ZNF883: variants seen among roughly 807,000 people sequenced by gnomAD.
ZNF883 encodes the protein zinc finger protein 883.
At chr9:112,990,378 G>T (rs2118596021) in intron 1 of ZNF883, among the ~76,000 whole-genome samples, 1 of 152,268 alleles carries the variant, frequency 6.6e-6, no homozygotes, top group East Asian at 1.9e-4. Flanking sequence ...TAATCATGTG[G>T]TTTTTGTCTT....
At chr9:112,989,014 G>A (rs1213628797) in intron 1 of ZNF883, among the ~76,000 whole-genome samples, 4 of 152,070 alleles carry the variant, frequency 2.6e-5, no homozygotes. Flanking sequence ...GTTCCTTGTA[G>A]ACTCTGGATA....
chr9:113,002,798 G>A (rs761308959), upstream of ZNF883, among the ~76,000 whole-genome samples: 3 of 152,130 alleles, frequency 2.0e-5, no homozygotes, highest in African/African-American at 7.2e-5. Flanking sequence ...TTCGGGAGGC[G>A]ATTAAGTCAT....
exon 1 of ZNF883, chr9:112,997,250 G>C (rs372517928): frequency 8.1e-6 from 13 of 1,613,972 alleles, no homozygotes; most frequent in Non-Finnish European, 1.1e-5. Context: ...CTTATGTTTA[G>C]TTAGAGCTGA....
intron 2 of ZNF883, among the ~76,000 whole-genome samples, chr9:113,010,797 C>G (rs1828526975): frequency 1.3e-5 from 2 of 151,906 alleles, no homozygotes; most frequent in African/African-American, 2.4e-5. Flanking sequence ...ACCAGGATGC[C>G]CAACATGGTG....
exon 1 of ZNF883, chr9:112,997,319 G>C: frequency 6.2e-7 from 1 of 1,613,894 alleles, no homozygotes; most frequent in Non-Finnish European, 8.5e-7. Flanking sequence ...TCCTGTATGC[G>C]TCCTCTGATG....
At chr9:112,994,745 CT>C (rs938566372), downstream of ZNF883, among the ~76,000 whole-genome samples, 62 of 151,576 alleles carry the variant, frequency 4.1e-4, no homozygotes, top group East Asian at 9.7e-4. Flanking sequence ...ATTTCTCCTA[CT>C]TTTTTTTAAT....
intron 2 of ZNF883, among the ~76,000 whole-genome samples, chr9:113,004,056 C>G (rs1194680261): frequency 6.6e-6 from 1 of 152,154 alleles, no homozygotes; most frequent in African/African-American, 2.4e-5. Context: ...TCCAGTATGG[C>G]TGGTGCCCTT....
upstream of ZNF883, chr9:113,001,889 C>T (rs1345622576): frequency 2.0e-5 from 3 of 152,126 alleles, no homozygotes; most frequent in East Asian, 3.9e-4. Flanking sequence ...CTGTTTAGTA[C>T]AGAAATATCT....
chr9:113,010,436 C>T (rs990918568), intron 2 of ZNF883, among the ~76,000 whole-genome samples: 7 of 152,144 alleles, frequency 4.6e-5, no homozygotes, highest in Non-Finnish European at 1.0e-4. Flanking sequence ...AGAACATAGT[C>T]GGGGTACATT....
chr9:113,008,786 C>G (rs1828502432), intron 2 of ZNF883, among the ~76,000 whole-genome samples: 2 of 151,802 alleles, frequency 1.3e-5, no homozygotes, highest in South Asian at 4.2e-4. Flanking sequence ...AATTAGAGTC[C>G]AGGCCATTTC....
chr9:113,009,539 T>C (rs1028631713), intron 2 of ZNF883, among the ~76,000 whole-genome samples: 5 of 151,930 alleles, frequency 3.3e-5, no homozygotes, highest in African/African-American at 1.2e-4. Context: ...AGACAGAGTC[T>C]TGTTCTGTAG....
downstream of ZNF883, among the ~76,000 whole-genome samples, chr9:112,995,477 T>TCCTCCCTGCCTTTCTCTCCCTTTCCTC (rs1828342150): frequency 6.6e-6 from 1 of 151,524 alleles, no homozygotes; most frequent in African/African-American, 2.4e-5. Context: ...CTCTCTCCCT[T>TCCTCCCTGCCTTTCTCTCCCTTTCCTC]CCTCCCTGCC....
At chr9:112,998,224 T>G (rs377275993) in exon 1 of ZNF883, 51 of 1,610,916 alleles carry the variant, frequency 3.2e-5, no homozygotes, top group Non-Finnish European at 4.1e-5. Context: ...TACAGAGATA[T>G]GGGTTCGCGG....
chr9:113,009,579 G>A (rs987231946), intron 2 of ZNF883, among the ~76,000 whole-genome samples: 14 of 151,268 alleles, frequency 9.3e-5, no homozygotes, highest in Admixed American at 4.0e-4. Context: ...GCGTGATCTC[G>A]GCCCAGTGCA....
chr9:112,988,988 T>C (rs1384167573), intron 1 of ZNF883, among the ~76,000 whole-genome samples: 1 of 152,230 alleles, frequency 6.6e-6, no homozygotes, highest in Non-Finnish European at 1.5e-5. Context: ...TTATTTGTTC[T>C]TGTAAATTTG....
chr9:113,011,568 G>A (rs1018612264), intron 1 of ZNF883, among the ~76,000 whole-genome samples: 2 of 152,124 alleles, frequency 1.3e-5, no homozygotes, highest in Admixed American at 1.3e-4. Flanking sequence ...GCTCTTCGTC[G>A]CCCGCAGAGT....
chr9:113,007,149 G>A (rs931840627), intron 2 of ZNF883, among the ~76,000 whole-genome samples: 2 of 152,176 alleles, frequency 1.3e-5, no homozygotes, highest in East Asian at 1.9e-4. Flanking sequence ...AGCTGAGATC[G>A]TGCCACTGCA....
At chr9:113,010,541 TGA>T (rs1412952112) in intron 2 of ZNF883, among the ~76,000 whole-genome samples, 2 of 152,204 alleles carry the variant, frequency 1.3e-5, no homozygotes, top group African/African-American at 4.8e-5. Context: ...AAAATTGCTA[TGA>T]GAGCAGTTTA....
At chr9:113,002,862 A>C (rs1828439801), upstream of ZNF883, among the ~76,000 whole-genome samples, 1 of 152,128 alleles carries the variant, frequency 6.6e-6, no homozygotes, top group Non-Finnish European at 1.5e-5. Flanking sequence ...GGCTTGAGGG[A>C]GTGGGTTTGT....
Sources: gnomAD v4.1 joint callset for allele counts (sites outside exome capture counted in the v4.1 genomes callset) on GRCh38, gnomAD v4.1.1 for gene constraint, MANE v1.5 for transcripts, NCBI Gene and HGNC (gene_info 2026-07-23, HGNC 2026-07-21) for gene names.